The following CNTN3 variants were observed in gnomAD, a reference collection of about 807,000 sequenced individuals.
CNTN3 encodes contactin-3.
Under a neutral mutation model 119.1 loss-of-function variants are expected in CNTN3, and 60 were observed. The observed-to-expected ratio is 0.50, with a 90% CI of 0.41 to 0.62. The LOEUF is 0.62. Among genes scored for constraint, CNTN3 ranks in the 20% least tolerant of loss-of-function variants. The probability of loss-of-function intolerance (pLI) is 0.00; values close to 1 mark genes in which losing one functional copy is unlikely to be tolerated. For synonymous variants in CNTN3, 450 were observed against 438.7 expected (o/e 1.03, Z -0.32); for missense variants, 1,101 against 1,242.4 (o/e 0.89, Z 1.71).
chr3:74,274,592 T>C (rs1262680405), intron 20 of CNTN3, among the ~76,000 whole-genome samples: 5 of 151,862 alleles, frequency 3.3e-5, no homozygotes, highest in South Asian at 2.1e-4. Flanking sequence ...GCCACATCCA[T>C]AGGAAAAGGG....
chr3:74,585,543 C>G (rs1704579504), intron 1 of CNTN3, among the ~76,000 whole-genome samples: 1 of 152,044 alleles, frequency 6.6e-6, no homozygotes, highest in Non-Finnish European at 1.5e-5. Flanking sequence ...GTATAATGAA[C>G]TGAATCATAT....
intron 1 of CNTN3, among the ~76,000 whole-genome samples, chr3:74,552,088 T>A (rs1037038313): frequency 6.6e-6 from 1 of 152,144 alleles, no homozygotes; most frequent in African/African-American, 2.4e-5. Flanking sequence ...CACTTAGTAC[T>A]AAGCATTTAA....
intron 11 of CNTN3, among the ~76,000 whole-genome samples, chr3:74,342,954 C>T (rs1002443030): frequency 2.0e-5 from 3 of 152,078 alleles, no homozygotes; most frequent in African/African-American, 4.8e-5. Flanking sequence ...CAAAGGAAAA[C>T]AGACAAATGA....
At chr3:74,507,493 A>C (rs1291031116) in intron 2 of CNTN3, among the ~76,000 whole-genome samples, 1 of 151,948 alleles carries the variant, frequency 6.6e-6, no homozygotes, top group East Asian at 1.9e-4. Context: ...AATCTCATAA[A>C]GTAGAAAAGA....
intron 4 of CNTN3, among the ~76,000 whole-genome samples, chr3:74,455,085 A>G (rs1702242100): frequency 6.6e-6 from 1 of 152,196 alleles, no homozygotes; most frequent in South Asian, 2.1e-4. Context: ...TCTCCTGGAT[A>G]ATATCCTGCA....
chr3:74,312,235 C>T (rs1311146257), intron 13 of CNTN3, among the ~76,000 whole-genome samples: 2 of 151,788 alleles, frequency 1.3e-5, no homozygotes, highest in Non-Finnish European at 2.9e-5. Flanking sequence ...GGGCAGATCA[C>T]GAGGTCAGGA....
chr3:74,531,210 G>C (rs1703688546), intron 1 of CNTN3, among the ~76,000 whole-genome samples: 1 of 151,908 alleles, frequency 6.6e-6, no homozygotes, highest in Non-Finnish European at 1.5e-5. Context: ...CATAAGACAG[G>C]ACGTTTTAAT....
At chr3:74,546,819 A>G (rs1195085919) in intron 1 of CNTN3, among the ~76,000 whole-genome samples, 3 of 152,162 alleles carry the variant, frequency 2.0e-5, no homozygotes, top group Admixed American at 6.5e-5. Context: ...ACTCCCTTTT[A>G]TATATACATC....
At chr3:74,450,055 C>T (rs1702119849) in intron 4 of CNTN3, among the ~76,000 whole-genome samples, 1 of 151,948 alleles carries the variant, frequency 6.6e-6, no homozygotes, top group Admixed American at 6.6e-5. Context: ...ATAGCCCTTA[C>T]CTAAGAAACA....
intron 19 of CNTN3, among the ~76,000 whole-genome samples, chr3:74,286,993 C>G (rs769658930): frequency 6.6e-6 from 1 of 152,196 alleles, no homozygotes; most frequent in African/African-American, 2.4e-5. Flanking sequence ...TTGGTTATCA[C>G]CATATCTTTA....
At chr3:74,295,748 G>A (rs759874710) in intron 18 of CNTN3, among the ~76,000 whole-genome samples, 15 of 152,164 alleles carry the variant, frequency 9.9e-5, no homozygotes, top group Admixed American at 2.0e-4. Context: ...AGATAGAAAT[G>A]CAGGTGGCTT....
chr3:74,369,487 C>G (rs1459126416), intron 7 of CNTN3, 114 bp from the exon 8 acceptor site: 1 of 687,824 alleles, frequency 1.5e-6, no homozygotes, highest in Non-Finnish European at 2.4e-6. Flanking sequence ...CAGAAAACCA[C>G]TTTCAATGGT....
chr3:74,358,006 G>A (rs76403466), intron 11 of CNTN3, among the ~76,000 whole-genome samples: 1,564 of 152,222 alleles, frequency 0.01, 31 homozygotes, highest in African/African-American at 0.036. Context: ...GGATGGATAT[G>A]GGGCTTTCGT....
chr3:74,569,111 C>T (rs954991623), intron 1 of CNTN3, among the ~76,000 whole-genome samples: 3 of 152,162 alleles, frequency 2.0e-5, no homozygotes, highest in African/African-American at 7.2e-5. Context: ...TGATATTCCA[C>T]CAAGATCCAT....
intron 1 of CNTN3, among the ~76,000 whole-genome samples, chr3:74,590,517 C>T (rs1282620376): frequency 6.6e-6 from 1 of 151,824 alleles, no homozygotes; most frequent in Non-Finnish European, 1.5e-5. Context: ...GTGCTCAGAG[C>T]AACAGCTCTT....
At chr3:74,353,613 G>A (rs1053753705) in intron 11 of CNTN3, among the ~76,000 whole-genome samples, 4 of 152,112 alleles carry the variant, frequency 2.6e-5, no homozygotes, top group Admixed American at 6.5e-5. Context: ...AAAATTAGCC[G>A]GGCGTGGTGG....
intron 1 of CNTN3, among the ~76,000 whole-genome samples, chr3:74,540,808 T>C (rs1703832699): frequency 6.6e-6 from 1 of 152,194 alleles, no homozygotes; most frequent in African/African-American, 2.4e-5. Flanking sequence ...AAGCCAAGTG[T>C]TCCTATTTAA....
intron 7 of CNTN3, 90 bp from the exon 8 acceptor site, chr3:74,369,463 C>A: frequency 9.4e-7 from 1 of 1,068,544 alleles, no homozygotes; most frequent in Non-Finnish European, 1.3e-6. Flanking sequence ...CAAGAAGGCA[C>A]AGGATTTTAA....
chr3:74,451,930 G>C (rs1346161724), intron 4 of CNTN3, among the ~76,000 whole-genome samples: 3 of 121,440 alleles, frequency 2.5e-5, no homozygotes, highest in Admixed American at 1.7e-4. Context: ...TTGTAGTATA[G>C]TTTGAAGTCA....
Sources: allele counts gnomAD v4.1 joint callset (sites outside exome capture counted in the v4.1 genomes callset), GRCh38; gene constraint gnomAD v4.1.1; transcripts MANE v1.5; gene names NCBI Gene and HGNC (gene_info 2026-07-23, HGNC 2026-07-21).